Variants in GALNT16 observed in about 807,000 individuals in gnomAD.
The protein encoded by GALNT16 is UDP-GalNAc:polypeptide N-acetylgalactosaminyltransferase-like protein 1.
Under a neutral mutation model 76.1 loss-of-function variants are expected in GALNT16, and 40 were observed. The observed-to-expected ratio is 0.53, with a 90% CI of 0.41 to 0.68. The LOEUF (loss-of-function observed/expected upper bound fraction) is 0.68. Ranked by LOEUF, GALNT16 falls within the 30% of genes least tolerant of loss-of-function variation. The probability of loss-of-function intolerance (pLI) is 0.00; values close to 1 mark genes in which losing one functional copy is unlikely to be tolerated. For missense variants in GALNT16, 621 were observed against 731.9 expected, an observed-to-expected ratio of 0.85 and a Z score of 1.75; for synonymous variants, 276 against 285.2, an observed-to-expected ratio of 0.97 and a Z score of 0.32.
chr14:69,360,850 T>A (rs183805625), downstream of GALNT16, among the ~76,000 whole-genome samples: 1 of 152,200 alleles, frequency 6.6e-6, no homozygotes, highest in East Asian at 1.9e-4. Context: ...CTGAGATGGG[T>A]TCTGGTCCCC....
intron 12 of GALNT16, among the ~76,000 whole-genome samples, chr14:69,345,702 CAGTG>C (rs1267060464): frequency 1.8e-5 from 1 of 54,628 alleles, no homozygotes; most frequent in African/African-American, 5.7e-5. Context: ...CATAAGGTGT[CAGTG>C]TGTGTGTGTG....
In GALNT16 at chr14:69,331,541, C is replaced by A. The variant is rs780685056; in HGVS notation, c.768C>A (p.Asp256Glu). 1.9e-5 allele frequency: 30 copies of A among 1,596,574 alleles called. No homozygotes were observed. Among genetic ancestry groups the A allele is most frequent in the East Asian group, 1.1e-4 (5 of 44,802 alleles). ...DNFAYLAASA[D>E]LRGGFDWSLH... ...TTGCCTACCTTGCAGCATCTGCTGA[C>A]CTTCGTGGAGGTGAGTTCTGCTCCC... Residue 256 changes from aspartate to glutamate, a missense_variant, in exon 7 of 15, where the codon GAC becomes GAA. Coordinates refer to ENST00000448469, the MANE Select transcript of GALNT16 (RefSeq NM_001168368.2).
At chr14:69,286,242 A>G (rs913654814) in intron 1 of GALNT16, among the ~76,000 whole-genome samples, 1 of 151,234 alleles carries the variant, frequency 6.6e-6, no homozygotes, top group African/African-American at 2.4e-5. Context: ...TTACTGCTCT[A>G]TTTCTTGGTA....
At chr14:69,351,225 G>A (rs2045633051) in intron 14 of GALNT16, 1 of 152,270 alleles carries the variant, frequency 6.6e-6, no homozygotes. Context: ...ATTTACCTAG[G>A]CCAGGACTGA....
the GALNT16 span, among the ~76,000 whole-genome samples, chr14:69,366,603 G>C: frequency 6.6e-6 from 1 of 152,130 alleles, no homozygotes; most frequent in Non-Finnish European, 1.5e-5. Flanking sequence ...GGGTATCATG[G>C]ATCAAGGGTC....
At chr14:69,317,821 T>G (rs890387593) in intron 1 of GALNT16, among the ~76,000 whole-genome samples, 1 of 151,992 alleles carries the variant, frequency 6.6e-6, no homozygotes, top group Non-Finnish European at 1.5e-5. Flanking sequence ...AGTCTCAAGA[T>G]CAAAGAATGG....
chr14:69,331,405 C>A, intron 6 of GALNT16, 59 bp from the exon 7 acceptor site: 1 of 940,746 alleles, frequency 1.1e-6, no homozygotes, highest in Non-Finnish European at 1.8e-6. Flanking sequence ...GAGCAGGCAG[C>A]TAGGCCTTTT....
At chr14:69,374,548 T>C in the GALNT16 span, among the ~76,000 whole-genome samples, 2 of 152,210 alleles carry the variant, frequency 1.3e-5, no homozygotes, top group East Asian at 1.9e-4. Context: ...TTTGTTAAAA[T>C]TGTAGACTGT....
the GALNT16 span, among the ~76,000 whole-genome samples, chr14:69,375,112 TTGA>T: frequency 6.6e-6 from 1 of 152,240 alleles, no homozygotes; most frequent in East Asian, 1.9e-4. Flanking sequence ...GTTATGTCTC[TTGA>T]TGAAGCTACA....
chr14:69,309,972 C>T lies in GALNT16; in HGVS notation c.178-10739C>T, dbSNP rs2044993190. On this transcript the variant is annotated intron_variant, in intron 1 of 14. Coordinates refer to ENST00000448469, the MANE Select transcript of GALNT16 (RefSeq NM_001168368.2). ...ATTTTGGTTGAAGAAATTAGTCCAG[C>T]TTTATTGATTTCCACATTGCCTAGT... Among the ~76,000 whole-genome samples the T allele has an allele frequency of 2.0e-5, 3 of 152,112 alleles. No individual in the cohort carries two copies. The South Asian group carries it at 6.2e-4, about 32-fold the overall frequency.
chr14:69,341,888 GTT>G, intron 12 of GALNT16, 124 bp downstream of exon 12: 1 of 677,560 alleles, frequency 1.5e-6, no homozygotes, highest in Non-Finnish European at 2.7e-6. Flanking sequence ...TAGCTGCCGG[GTT>G]TTATCTTCAC....
At position 69,285,063 on chromosome 14, in the gene GALNT16, C is replaced by T. The variant is rs113157873; in HGVS notation, c.177+24596C>T. On this transcript the variant is annotated intron_variant, in intron 1 of 14. Coordinates refer to ENST00000448469, the MANE Select transcript of GALNT16 (RefSeq NM_001168368.2). Reference sequence around the variant, plus strand: ...CTCTTTTTTTTTTTTTTTTTTGAGACGGAGTGTCGCTCTTTCGCCCAGGCT... The same window carrying T: ...CTCTTTTTTTTTTTTTTTTTTGAGATGGAGTGTCGCTCTTTCGCCCAGGCT... Among the ~76,000 whole-genome samples, 659 of 119,924 alleles carry T rather than the reference C, an allele frequency of 5.5e-3. 5 individuals carry two copies. Among genetic ancestry groups the T allele is most frequent in the Non-Finnish European group, 6.6e-3 (396 of 59,662 alleles). 78.7% of individuals were successfully genotyped at this position (119,924 alleles called of 152,430 possible). A position where few individuals can be genotyped will look rare whatever the true frequency, so the allele number is the denominator to read the frequency against.
downstream of GALNT16, among the ~76,000 whole-genome samples, chr14:69,359,796 G>A (rs954128081): frequency 9.2e-5 from 14 of 152,274 alleles, no homozygotes; most frequent in African/African-American, 2.9e-4. Context: ...GGGAGGCCGC[G>A]GTGGGCAATC....
intron 1 of GALNT16, among the ~76,000 whole-genome samples, chr14:69,284,529 G>A (rs2044584225): frequency 6.6e-6 from 1 of 152,192 alleles, no homozygotes. Context: ...ACCCACCCTG[G>A]ACAGGACTCT....
At chr14:69,377,929 T>A in the GALNT16 span, among the ~76,000 whole-genome samples, 7 of 151,524 alleles carry the variant, frequency 4.6e-5, no homozygotes, top group Non-Finnish European at 1.0e-4. Flanking sequence ...AATGATTAGT[T>A]AAAACAATTT....
the GALNT16 span, among the ~76,000 whole-genome samples, chr14:69,384,307 T>A: frequency 6.6e-6 from 1 of 152,242 alleles, no homozygotes; most frequent in African/African-American, 2.4e-5. Flanking sequence ...AGCAAGCACT[T>A]GATCCTCACA....
intron 1 of GALNT16, among the ~76,000 whole-genome samples, chr14:69,276,174 G>T (rs2044468677): frequency 6.6e-6 from 1 of 152,082 alleles, no homozygotes; most frequent in South Asian, 2.1e-4. Context: ...TACAATTGAA[G>T]ATGAGATTTG....
chr14:69,290,442 ACT>A (rs2044674973), intron 1 of GALNT16, among the ~76,000 whole-genome samples: 1 of 152,158 alleles, frequency 6.6e-6, no homozygotes, highest in African/African-American at 2.4e-5. Flanking sequence ...GCAGGGACAG[ACT>A]CCCAGAATCA....
At chr14:69,319,517 G>T (rs545513395) in intron 1 of GALNT16, among the ~76,000 whole-genome samples, 1 of 152,254 alleles carries the variant, frequency 6.6e-6, no homozygotes, top group African/African-American at 2.4e-5. Flanking sequence ...ATGGTTGGGC[G>T]GAAAGTTGGA....
Sources: allele counts gnomAD v4.1 joint callset (sites outside exome capture counted in the v4.1 genomes callset), GRCh38; gene constraint gnomAD v4.1.1; transcripts MANE v1.5; gene names NCBI Gene and HGNC (gene_info 2026-07-23, HGNC 2026-07-21).